Variants in IGF1 observed in about 807,000 individuals in gnomAD.
IGF1 encodes the protein insulin like growth factor 1, also known as insulin-like growth factor 1.
IGF1 carries 4 observed loss-of-function variants against 13.8 expected under a neutral mutation model. The observed-to-expected ratio is 0.29, with a 90% CI of 0.14 to 0.66. IGF1 has a LOEUF of 0.66. Ranked by LOEUF, IGF1 falls within the 30% of genes least tolerant of loss-of-function variation. The pLI, the probability that IGF1 is intolerant of heterozygous loss-of-function variation, is 0.78. For synonymous variants in IGF1, 76 were observed against 72.6 expected (o/e 1.05, Z -0.23); for missense variants, 124 against 188.5 (o/e 0.66, Z 2.00).
intron 2 of IGF1, among the ~76,000 whole-genome samples, chr12:102,457,625 AT>A (rs1297667915): frequency 6.6e-6 from 1 of 152,186 alleles, no homozygotes; most frequent in Non-Finnish European, 1.5e-5. Flanking sequence ...TTAGTGGACG[AT>A]TTCACAAGAC....
intron 1 of IGF1, among the ~76,000 whole-genome samples, chr12:102,477,535 A>AT (rs371700453): frequency 0.38 from 53,367 of 140,452 alleles, 11,270 homozygotes; most frequent in African/African-American, 0.57. Context: ...TCCAGTTCTC[A>AT]TTTTTTTTTT....
chr12:102,443,720 G>T (rs1878063828), intron 2 of IGF1, among the ~76,000 whole-genome samples: 1 of 152,028 alleles, frequency 6.6e-6, no homozygotes, highest in South Asian at 2.1e-4. Flanking sequence ...TTTACACAGA[G>T]TTTCTGGAAA....
At chr12:102,428,212 G>A (rs1361159646) in intron 2 of IGF1, among the ~76,000 whole-genome samples, 2 of 48,386 alleles carry the variant, frequency 4.1e-5, no homozygotes, top group Non-Finnish European at 1.1e-4. Context: ...GGTCATGAAC[G>A]ACCCACTTTG....
At chr12:102,481,384 T>TGG (rs951362657), upstream of IGF1, among the ~76,000 whole-genome samples, 4 of 150,506 alleles carry the variant, frequency 2.7e-5, no homozygotes, top group African/African-American at 2.5e-5. Context: ...TGTGTGTGTG[T>TGG]GTGTATGACA....
intron 2 of IGF1, chr12:102,423,069 A>G (rs1875871716): frequency 6.6e-6 from 1 of 152,168 alleles, no homozygotes; most frequent in Non-Finnish European, 1.5e-5. Flanking sequence ...TTTCTATTCC[A>G]GACATTCTAT....
At chr12:102,451,253 G>A (rs1878895080) in intron 2 of IGF1, among the ~76,000 whole-genome samples, 2 of 152,222 alleles carry the variant, frequency 1.3e-5, no homozygotes, top group South Asian at 2.1e-4. Flanking sequence ...ACTCTTTGAT[G>A]CATTTGATCT....
chr12:102,456,754 C>T (rs565775187), intron 2 of IGF1, among the ~76,000 whole-genome samples: 2 of 152,190 alleles, frequency 1.3e-5, no homozygotes, highest in East Asian at 3.9e-4. Context: ...CCTACATTTG[C>T]CCTTGTAATT....
At chr12:102,444,629 C>A (rs1429522118) in intron 2 of IGF1, among the ~76,000 whole-genome samples, 1 of 152,024 alleles carries the variant, frequency 6.6e-6, no homozygotes, top group Non-Finnish European at 1.5e-5. Context: ...AATCATATCT[C>A]ATCTAGTCTT....
intron 2 of IGF1, among the ~76,000 whole-genome samples, chr12:102,432,616 C>A (rs1365969800): frequency 6.6e-6 from 1 of 152,138 alleles, no homozygotes; most frequent in Non-Finnish European, 1.5e-5. Flanking sequence ...ATAAATGAAC[C>A]AATTTCTGTT....
At chr12:102,420,695 A>G (rs1875633048) in intron 2 of IGF1, among the ~76,000 whole-genome samples, 2 of 152,170 alleles carry the variant, frequency 1.3e-5, no homozygotes, top group African/African-American at 4.8e-5. Flanking sequence ...GAAACAGTGA[A>G]CGAAATGTCC....
chr12:102,440,214 T>C (rs1877594638), intron 2 of IGF1, among the ~76,000 whole-genome samples: 1 of 152,198 alleles, frequency 6.6e-6, no homozygotes, highest in Non-Finnish European at 1.5e-5. Context: ...TGTTCTCTTC[T>C]GAATGGGAAG....
intron 3 of IGF1, among the ~76,000 whole-genome samples, chr12:102,403,441 T>C (rs1004845488): frequency 6.6e-6 from 1 of 151,840 alleles, no homozygotes; most frequent in Non-Finnish European, 1.5e-5. Context: ...CAAGCAATGA[T>C]GTTATCTTAA....
chr12:102,477,674 A>AC lies in IGF1; in HGVS notation c.64-1876dup, dbSNP rs17885210. Among the ~76,000 whole-genome samples, 454 of 151,948 alleles carry AC rather than the reference A, an allele frequency of 3.0e-3. 1 individual carries two copies. The highest frequency in any genetic ancestry group is 0.01 in the African/African-American group (434 of 41,416). The stretch of plus-strand genomic sequence containing the variant: ...ACCTGTGATTGATCTTGCAGAGCAT[A>AC]CCCCCACACTGCGGGAATGGGCCAG... On this transcript the variant is annotated intron_variant, in intron 1 of 3. Transcript: ENST00000337514.
intron 2 of IGF1, among the ~76,000 whole-genome samples, chr12:102,466,108 GGC>G (rs1202595883): frequency 6.6e-6 from 1 of 152,064 alleles, no homozygotes; most frequent in Non-Finnish European, 1.5e-5. Flanking sequence ...TGAATTCCAT[GGC>G]TATAAGGCAA....
chr12:102,411,794 C>T (rs183422874), intron 3 of IGF1, among the ~76,000 whole-genome samples: 55 of 152,164 alleles, frequency 3.6e-4, no homozygotes, highest in Admixed American at 1.0e-3. Context: ...AATGAATGTT[C>T]CTTTATCTGA....
intron 2 of IGF1, among the ~76,000 whole-genome samples, chr12:102,423,598 T>C (rs903129237): frequency 1.3e-5 from 2 of 152,182 alleles, no homozygotes; most frequent in African/African-American, 2.4e-5. Context: ...TACTGCTGTA[T>C]CTTAAAAGTT....
chr12:102,417,565 A>G (rs990611884), intron 3 of IGF1: 49 of 1,208,466 alleles, frequency 4.1e-5, no homozygotes, highest in Middle Eastern at 3.2e-4. Flanking sequence ...CTCTTTTATA[A>G]TTTTTATTTT....
chr12:102,399,678 G>C lies in IGF1; in HGVS notation c.*2829C>G, dbSNP rs576022853. 16 of 152,290 alleles carry C rather than the reference G, an allele frequency of 1.1e-4. No individual in the cohort carries two copies. The South Asian group carries it at 2.5e-3, about 24-fold the overall frequency. 9.4% of individuals were successfully genotyped at this position (152,290 alleles called of 1,614,324 possible). A position where few individuals can be genotyped will look rare whatever the true frequency, so the allele number is the denominator to read the frequency against. On this transcript the variant is annotated 3_prime_UTR_variant, in exon 4 of 4. Coordinates refer to ENST00000337514, the MANE Select transcript of IGF1 (RefSeq NM_000618.5). ...AAAAGTTAAGAAAGATAATATGGCA[G>C]TGCATCTTTCAGCTTTCCTCCTTGG...
rs886048861 is a variant in IGF1, at chr12:102,396,663, T to G, written c.*5844A>C. On this transcript the variant is annotated 3_prime_UTR_variant, in exon 4 of 4. Coordinates refer to ENST00000337514, the MANE Select transcript of IGF1 (RefSeq NM_000618.5). The stretch of plus-strand genomic sequence containing the variant: ...CAGTAATATAAAAAAAGGCAGATTC[T>G]AAGGATTGTGGAAGGTCATGTTTTT... 2.1e-5 allele frequency: 8 copies of G among 385,050 alleles called. No homozygotes were observed. The highest frequency in any genetic ancestry group is 3.2e-5 in the Non-Finnish European group (7 of 218,082). The allele number at this position is 385,050 out of a possible 1,614,324, so 23.9% of individuals were successfully genotyped here. A position where few individuals can be genotyped will look rare whatever the true frequency, so the allele number is the denominator to read the frequency against.
Sources: allele counts gnomAD v4.1 joint callset (sites outside exome capture counted in the v4.1 genomes callset), GRCh38; gene constraint gnomAD v4.1.1; transcripts MANE v1.5; gene names NCBI Gene and HGNC (gene_info 2026-07-23, HGNC 2026-07-21).